Variants in BANP observed in about 807,000 individuals in gnomAD.
BANP encodes protein BANP.
Under a neutral mutation model 68.1 loss-of-function variants are expected in BANP, and 11 were observed. The observed-to-expected ratio is 0.16, with a 90% CI of 0.10 to 0.27. The LOEUF (loss-of-function observed/expected upper bound fraction) is 0.27, where lower values mean the gene tolerates loss of function less well. Among genes scored for constraint, BANP ranks in the 10% least tolerant of loss-of-function variants. BANP has a pLI of 1.00. For missense variants in BANP, 504 were observed against 722.7 expected (o/e 0.70, Z 3.47); for synonymous variants, 329 against 303.2 (o/e 1.09, Z -0.88).
chr16:88,043,315 A>G (rs2081259259), intron 11 of BANP, among the ~76,000 whole-genome samples: 1 of 152,126 alleles, frequency 6.6e-6, no homozygotes. Flanking sequence ...TTGGCTGTTT[A>G]GATGCATTTG....
intron 1 of BANP, among the ~76,000 whole-genome samples, chr16:87,953,818 C>T (rs6540120): frequency 0.62 from 94,111 of 151,992 alleles, 29,463 homozygotes; most frequent in Admixed American, 0.67. Context: ...TGCACACGAG[C>T]CAGCCTGATA....
chr16:88,025,217 C>A (rs971141724), intron 7 of BANP, among the ~76,000 whole-genome samples: 3 of 152,158 alleles, frequency 2.0e-5, no homozygotes, highest in Non-Finnish European at 4.4e-5. Context: ...TATTGAAGTG[C>A]AGTTTGAAAG....
intron 4 of BANP, among the ~76,000 whole-genome samples, chr16:87,994,371 A>T (rs4843772): frequency 6.6e-6 from 1 of 152,148 alleles, no homozygotes; most frequent in African/African-American, 2.4e-5. Context: ...GTTGGAGCAC[A>T]AGCATGGCTC....
intron 8 of BANP, among the ~76,000 whole-genome samples, chr16:88,031,480 CA>C (rs988277053): frequency 6.6e-6 from 1 of 151,220 alleles, no homozygotes; most frequent in Non-Finnish European, 1.5e-5. Flanking sequence ...CCCTTCTCTA[CA>C]AAAAAATACA....
At chr16:87,977,017 T>C (rs1269757813) in intron 2 of BANP, among the ~76,000 whole-genome samples, 1 of 152,228 alleles carries the variant, frequency 6.6e-6, no homozygotes, top group Admixed American at 6.5e-5. Context: ...CTTTGTAGAC[T>C]GTGGTCCAAA....
At chr16:88,049,482 G>C (rs7191775) in intron 11 of BANP, among the ~76,000 whole-genome samples, 97,908 of 151,784 alleles carry the variant, frequency 0.65, 32,988 homozygotes, top group Non-Finnish European at 0.76. Context: ...TGGAAACTTC[G>C]TGACATTAGC....
rs6540132 is a variant in BANP at position 87,975,337 on chromosome 16, G to A, written c.70+152G>A. The stretch of plus-strand genomic sequence containing the variant: ...GAATCCTAGAGATGTGAACACTGTC[G>A]GCCCCTCCCTTCCCTCGCCCCTGCA... On this transcript the variant is annotated intron_variant, in intron 2 of 13. Transcript: ENST00000682872. 4,067 of 759,224 alleles carry A rather than the reference G, an allele frequency of 5.4e-3. 98 individuals carry two copies. Among genetic ancestry groups the A allele is most frequent in the African/African-American group, 0.05 (2,858 of 57,256 alleles). 47.0% of individuals were successfully genotyped at this position (759,224 alleles called of 1,614,324 possible). A position where few individuals can be genotyped will look rare whatever the true frequency, so the allele number is the denominator to read the frequency against.
intron 11 of BANP, among the ~76,000 whole-genome samples, chr16:88,046,061 A>T (rs2081954241): frequency 6.6e-6 from 1 of 152,212 alleles, no homozygotes; most frequent in Non-Finnish European, 1.5e-5. Flanking sequence ...AACTGACCAC[A>T]CTGGCACTGG....
chr16:88,067,002 A>C (rs1221905667), intron 12 of BANP, among the ~76,000 whole-genome samples: 1 of 152,214 alleles, frequency 6.6e-6, no homozygotes, highest in African/African-American at 2.4e-5. Flanking sequence ...GTACCAGGCA[A>C]ATTATTTTAT....
chr16:88,030,640 T>C (rs1214538117), intron 8 of BANP, among the ~76,000 whole-genome samples: 2 of 152,190 alleles, frequency 1.3e-5, no homozygotes, highest in Non-Finnish European at 2.9e-5. Flanking sequence ...ATGTCACAGC[T>C]GGAAATGTAG....
chr16:88,018,438 C>T lies in BANP; in HGVS notation c.666C>T (p.Pro222=). ...TCTTCTGTTTTTCAGAGGACTACCC[C>T]AATGGCACCTGGCTGGGCGACGAGA... ...LITLNSEEDY[P]NGTWLGDENN... Residue 222 remains proline, a synonymous_variant, in exon 7 of 14, where the codon CCC becomes CCT. Transcript: ENST00000682872. This position sits in a 1 kb window ranked among gnomAD's most constrained non-coding sequence, Gnocchi z 7.7. 6.2e-7 allele frequency: 1 copy of T among 1,612,166 alleles called. No individual in the cohort carries two copies. Among genetic ancestry groups the T allele is most frequent in the Non-Finnish European group, 8.5e-7 (1 of 1,179,454 alleles).
At chr16:88,073,829 C>A (rs1236677075) in intron 13 of BANP, among the ~76,000 whole-genome samples, 5 of 152,236 alleles carry the variant, frequency 3.3e-5, no homozygotes, top group Non-Finnish European at 7.3e-5. Context: ...AACCTGTGTC[C>A]CATGGTTGGT....
chr16:88,073,867 C>A (rs201779295), intron 13 of BANP, among the ~76,000 whole-genome samples: 6 of 152,256 alleles, frequency 3.9e-5, no homozygotes, highest in South Asian at 4.1e-4. Flanking sequence ...CCTGTAAGCT[C>A]TCTCTGTTAC....
rs1393100795 is a variant in BANP at position 87,971,540 on chromosome 16, C to T, written c.-68-3508C>T. ...GGAGTTTGATAGTTAATTTTCTTTC[C>T]GTTATAAGTCACCTAGTCTTTTGCT... is the stretch of plus-strand genomic sequence containing the variant. On this transcript the variant is annotated intron_variant, in intron 1 of 13. Transcript: ENST00000682872. Among the ~76,000 whole-genome samples, 6 of 149,516 alleles carry T rather than the reference C, an allele frequency of 4.0e-5. No individual in the cohort carries two copies. The East Asian group carries it at 7.8e-4, about 19-fold the overall frequency.
intron 4 of BANP, among the ~76,000 whole-genome samples, chr16:87,998,185 C>T (rs1367739376): frequency 1.3e-5 from 2 of 152,140 alleles, no homozygotes; most frequent in African/African-American, 4.8e-5. Context: ...CTTTGGGAGA[C>T]ATCATTGGAC....
At chr16:87,965,625 GCT>G in intron 1 of BANP, among the ~76,000 whole-genome samples, 1 of 150,192 alleles carries the variant, frequency 6.7e-6, no homozygotes, top group African/African-American at 2.5e-5. Context: ...GCTGGGCGGG[GCT>G]GGGCGGGGCT....
chr16:87,951,890 G>C (rs2056965968), intron 1 of BANP, among the ~76,000 whole-genome samples: 1 of 152,136 alleles, frequency 6.6e-6, no homozygotes. Flanking sequence ...AACCGCGCCC[G>C]GGCTCCTCTG....
intron 11 of BANP, among the ~76,000 whole-genome samples, chr16:88,049,633 A>T (rs999381016): frequency 6.6e-6 from 1 of 152,146 alleles, no homozygotes; most frequent in African/African-American, 2.4e-5. Context: ...ATAACAAGAG[A>T]CGAACCAGGG....
At chr16:88,025,450 T>C (rs1318226262) in intron 7 of BANP, among the ~76,000 whole-genome samples, 2 of 152,212 alleles carry the variant, frequency 1.3e-5, no homozygotes, top group East Asian at 3.9e-4. Flanking sequence ...ACCCGAAAAT[T>C]GGAAGCCAAA....
Sources: allele counts gnomAD v4.1 joint callset (sites outside exome capture counted in the v4.1 genomes callset), GRCh38; gene constraint gnomAD v4.1.1; non-coding constraint Gnocchi (gnomAD v3.1); transcripts MANE v1.5; gene names NCBI Gene and HGNC (gene_info 2026-07-23, HGNC 2026-07-21).